The following CHFR variants were observed in gnomAD, a reference collection of about 807,000 sequenced individuals.
CHFR encodes E3 ubiquitin-protein ligase CHFR.
A neutral mutation model predicts 87.6 loss-of-function variants in CHFR; 57 were observed. That is an observed-to-expected ratio of 0.65 (90% CI 0.53 to 0.81). The LOEUF (loss-of-function observed/expected upper bound fraction) is 0.81. CHFR is among the 30% of genes least tolerant of loss of function. The pLI is 0.00. For synonymous variants in CHFR, 381 were observed against 359.2 expected, an observed-to-expected ratio of 1.06 and a Z score of -0.69; for missense variants, 797 against 865.8, an observed-to-expected ratio of 0.92 and a Z score of 1.00.
intron 7 of CHFR, among the ~76,000 whole-genome samples, chr12:132,859,814 G>T (rs888480476): frequency 3.3e-5 from 5 of 152,070 alleles, no homozygotes; most frequent in Admixed American, 2.6e-4. Context: ...GGCTGAGGTG[G>T]GCAGATCGCT....
intron 2 of CHFR, among the ~76,000 whole-genome samples, chr12:132,881,764 A>G (rs1396412535): frequency 6.6e-6 from 1 of 150,802 alleles, no homozygotes; most frequent in Non-Finnish European, 1.5e-5. Context: ...GCTACTCAGG[A>G]GGCTGAGGCA....
At chr12:132,870,820 C>T (rs756661742) in intron 4 of CHFR, 37 bp from the exon 5 acceptor site, 2 of 1,409,476 alleles carry the variant, frequency 1.4e-6, no homozygotes, top group African/African-American at 1.4e-5. Flanking sequence ...AAGTGGTGGC[C>T]CCTGTGCAAA....
intron 2 of CHFR, among the ~76,000 whole-genome samples, chr12:132,884,572 G>A (rs1302651811): frequency 6.6e-6 from 1 of 152,056 alleles, no homozygotes; most frequent in Non-Finnish European, 1.5e-5. Flanking sequence ...TGGAAATGGG[G>A]CCTGTGAGCT....
intron 2 of CHFR, among the ~76,000 whole-genome samples, chr12:132,885,632 C>T (rs938583671): frequency 3.3e-5 from 5 of 152,090 alleles, no homozygotes; most frequent in African/African-American, 1.2e-4. Context: ...ATGTAATGTC[C>T]TACCATGTAA....
At chr12:132,868,511 A>G (rs1951404164) in intron 6 of CHFR, among the ~76,000 whole-genome samples, 2 of 151,776 alleles carry the variant, frequency 1.3e-5, no homozygotes. Context: ...CAAAACAAAC[A>G]AACAAAAAAC....
At chr12:132,848,550 C>A (rs1950874673) in intron 13 of CHFR, 91 bp downstream of exon 13, 1 of 967,258 alleles carries the variant, frequency 1.0e-6, no homozygotes, top group Non-Finnish European at 1.6e-6. Context: ...CTATAAACAT[C>A]AGGCTATGGA....
intron 3 of CHFR, among the ~76,000 whole-genome samples, chr12:132,877,302 G>A (rs562914058): frequency 6.5e-4 from 99 of 152,218 alleles, no homozygotes; most frequent in African/African-American, 2.2e-3. Context: ...GTATGTAGTA[G>A]GCTACACCAT....
chr12:132,874,710 A>C (rs984272675), intron 3 of CHFR, among the ~76,000 whole-genome samples: 8 of 133,770 alleles, frequency 6.0e-5, no homozygotes, highest in Non-Finnish European at 1.1e-4. Context: ...AGGCCCCGGA[A>C]CAGGCAGGAA....
rs541315009 is a variant in CHFR at position 132,856,101 on chromosome 12, G to GA, written c.1229+366dup. On this transcript the variant is annotated intron_variant, in intron 10 of 17. Coordinates refer to ENST00000450056, the MANE Select transcript of CHFR (RefSeq NM_001161346.2). ...ACAAAGAATACATGTGCTCATGTGG[G>GA]AAAAAATAACATGGAATGATGTCCC... is the stretch of plus-strand genomic sequence containing the variant. Among the ~76,000 whole-genome samples, 838 of 152,282 alleles carry GA rather than the reference G, an allele frequency of 5.5e-3. 5 individuals carry two copies. Among genetic ancestry groups the GA allele is most frequent in the Non-Finnish European group, 7.4e-3 (506 of 68,018 alleles).
intron 6 of CHFR, among the ~76,000 whole-genome samples, chr12:132,865,153 G>A (rs942652644): frequency 6.6e-6 from 1 of 152,176 alleles, no homozygotes; most frequent in East Asian, 1.9e-4. Context: ...ACGCTGGAGC[G>A]GCCGGAACGC....
intron 11 of CHFR, 31 bp from the exon 12 acceptor site, chr12:132,851,768 G>C (rs778501443): frequency 6.3e-7 from 1 of 1,595,080 alleles, no homozygotes; most frequent in East Asian, 2.3e-5. Context: ...GCCGGAGCAC[G>C]TGGGACCCAG....
At chr12:132,857,696 A>C in intron 8 of CHFR, 137 bp from the exon 9 acceptor site, 1 of 771,318 alleles carries the variant, frequency 1.3e-6, no homozygotes, top group Non-Finnish European at 2.0e-6. Flanking sequence ...CCTTTAAGTC[A>C]GTCTTGGTTA....
chr12:132,846,479 CCAGGATGGTCTCAATCTCTTGACCT>C (rs1950830268), intron 15 of CHFR, among the ~76,000 whole-genome samples: 1 of 151,908 alleles, frequency 6.6e-6, no homozygotes, highest in East Asian at 2.0e-4. Flanking sequence ...ACCGTGTTAG[CCAGGATGGTCTCAATCTCTTGACCT>C]CATGATCCGC....
chr12:132,847,778 A>C lies in CHFR; in HGVS notation c.1647+307T>G, dbSNP rs980616573. The C allele has an allele frequency of 1.6e-5, 20 of 1,264,054 alleles. 1 individual carries two copies. Among genetic ancestry groups the C allele is most frequent in the South Asian group, 1.4e-4 (8 of 57,270 alleles). 78.3% of individuals were successfully genotyped at this position (1,264,054 alleles called of 1,614,324 possible). On this transcript the variant is annotated intron_variant, in intron 14 of 17. Transcript: ENST00000450056. ...TTGCTAAAGGGCGGCACCTTCAAGA[A>C]GCCCTCACCGAGAGCTGTGGGAACA... is the stretch of plus-strand genomic sequence containing the variant.
At chr12:132,868,383 A>G (rs55784049) in intron 6 of CHFR, among the ~76,000 whole-genome samples, 1 of 152,130 alleles carries the variant, frequency 6.6e-6, no homozygotes, top group Non-Finnish European at 1.5e-5. Flanking sequence ...CCAGCTACTC[A>G]GAGGCTGAGG....
Position 132,851,703 on chromosome 12 carries a change from G to A in CHFR, c.1407C>T (p.Ser469=), listed in dbSNP as rs773703522. The A allele has an allele frequency of 1.1e-5, 17 of 1,613,444 alleles. No individual in the cohort carries two copies. Among genetic ancestry groups the A allele is most frequent in the Non-Finnish European group, 1.4e-5 (17 of 1,179,936 alleles). The change falls in exon 12 of 18, where the codon AGC becomes AGT. Residue 469 remains serine, a synonymous_variant. Transcript: ENST00000450056. Reference sequence around the variant, plus strand: ...GGAAGCAGCAGGTGCACAGGGCGTGGCTTCCTTGCAGAGGGCACACGTAAT... The same window carrying A: ...GGAAGCAGCAGGTGCACAGGGCGTGACTTCCTTGCAGAGGGCACACGTAAT... The part of the protein sequence containing the change: ...VQDYVCPLQG[S]HALCTCCFQP...
At chr12:132,856,960 G>A (rs1262249889) in intron 9 of CHFR, among the ~76,000 whole-genome samples, 1 of 149,718 alleles carries the variant, frequency 6.7e-6, no homozygotes, top group Non-Finnish European at 1.5e-5. Flanking sequence ...TTGCCCAGGT[G>A]CTGGTGGAGG....
chr12:132,859,266 G>A (rs764651869), intron 7 of CHFR, 39 bp from the exon 8 acceptor site: 9 of 1,576,834 alleles, frequency 5.7e-6, no homozygotes, highest in Admixed American at 1.7e-5. Flanking sequence ...TAACCAAGAA[G>A]GAAATACACG....
chr12:132,882,983 T>G (rs1157561816), intron 2 of CHFR: 1 of 152,242 alleles, frequency 6.6e-6, no homozygotes, highest in Non-Finnish European at 1.5e-5. Context: ...ATTACAGGCA[T>G]GAGCCACCGT....
Sources: allele counts gnomAD v4.1 joint callset (sites outside exome capture counted in the v4.1 genomes callset), GRCh38; gene constraint gnomAD v4.1.1; transcripts MANE v1.5; gene names NCBI Gene and HGNC (gene_info 2026-07-23, HGNC 2026-07-21).